Variants in GALNT13 observed in about 807,000 individuals in gnomAD.
GALNT13 encodes the protein UDP-GalNAc:polypeptide N-acetylgalactosaminyltransferase 13.
GALNT13 carries 28 observed loss-of-function variants against 64.2 expected under a neutral mutation model. The ratio of observed to expected loss-of-function variants is 0.44; its 90% CI spans 0.32 to 0.60. GALNT13 has a LOEUF of 0.60. Ranked by LOEUF, GALNT13 falls within the 20% of genes least tolerant of loss-of-function variation. The pLI, the probability that GALNT13 is intolerant of heterozygous loss-of-function variation, is 0.05. For synonymous variants in GALNT13, 214 were observed against 224.6 expected (o/e 0.95, Z 0.42); for missense variants, 577 against 669.8 (o/e 0.86, Z 1.53).
chr2:154,159,337 G>A (rs571896856), intron 4 of GALNT13, among the ~76,000 whole-genome samples: 2 of 152,062 alleles, frequency 1.3e-5, no homozygotes, highest in South Asian at 2.1e-4. Flanking sequence ...GTTTCACCAT[G>A]TTGGCCAGGC....
At chr2:153,131,429 T>C in the GALNT13 span, among the ~76,000 whole-genome samples, 23 of 152,020 alleles carry the variant, frequency 1.5e-4, no homozygotes, top group African/African-American at 5.5e-4. Flanking sequence ...CTCCACACTC[T>C]GAGAGTGAGT....
Position 154,075,076 on chromosome 2 carries a change from AG to A in GALNT13, c.143-65260del, listed in dbSNP as rs1700918338. Among the ~76,000 whole-genome samples, 4 of 152,004 alleles carry A rather than the reference AG, an allele frequency of 2.6e-5. No individual in the cohort carries two copies. In the South Asian group the frequency reaches 8.3e-4, roughly 31 times the overall value. On this transcript the variant is annotated intron_variant, in intron 3 of 12. Coordinates refer to ENST00000392825, the MANE Select transcript of GALNT13 (RefSeq NM_052917.4). ...ACAATCAGGCAAGAGAAAGAACTAA[AG>A]TGTAAACAAATAGGAAGAGAGGAAG...
At chr2:154,251,485 G>C (rs993409370) in intron 7 of GALNT13, among the ~76,000 whole-genome samples, 1 of 152,062 alleles carries the variant, frequency 6.6e-6, no homozygotes, top group African/African-American at 2.4e-5. Context: ...CAAATCATTT[G>C]CCCATACTAA....
chr2:153,596,751 TG>T, the GALNT13 span, among the ~76,000 whole-genome samples: 1 of 152,102 alleles, frequency 6.6e-6, no homozygotes, highest in African/African-American at 2.4e-5. Context: ...GTAATTAAAA[TG>T]ATTAACATAT....
the GALNT13 span, among the ~76,000 whole-genome samples, chr2:153,452,857 T>C: frequency 2.6e-5 from 4 of 152,246 alleles, no homozygotes; most frequent in East Asian, 3.9e-4. Flanking sequence ...AGGCATTACA[T>C]ACCTGACCTC....
chr2:153,082,888 G>A, the GALNT13 span, among the ~76,000 whole-genome samples: 1 of 150,388 alleles, frequency 6.6e-6, no homozygotes, highest in Non-Finnish European at 1.5e-5. Flanking sequence ...GAGTGCAGTG[G>A]CACAGTCTCG....
At chr2:153,628,556 G>T in the GALNT13 span, among the ~76,000 whole-genome samples, 16,616 of 151,828 alleles carry the variant, frequency 0.11, 1,541 homozygotes, top group East Asian at 0.36. Context: ...TTAGCATGAA[G>T]GGTTGTTGAA....
the GALNT13 span, among the ~76,000 whole-genome samples, chr2:153,577,466 T>C: frequency 1.3e-5 from 2 of 152,152 alleles, no homozygotes; most frequent in African/African-American, 2.4e-5. Context: ...ACAGAAGAGC[T>C]GTTTCCTTTA....
chr2:153,815,878 C>G, the GALNT13 span, among the ~76,000 whole-genome samples: 4 of 152,148 alleles, frequency 2.6e-5, no homozygotes, highest in Non-Finnish European at 5.9e-5. Flanking sequence ...CATTCTAATA[C>G]TCACCCAAGG....
chr2:153,825,838 T>C, the GALNT13 span, among the ~76,000 whole-genome samples: 1 of 152,190 alleles, frequency 6.6e-6, no homozygotes, highest in Non-Finnish European at 1.5e-5. Context: ...TAGCATTTTG[T>C]ATGAAGTTCA....
chr2:153,517,575 T>G, the GALNT13 span, among the ~76,000 whole-genome samples: 2 of 152,084 alleles, frequency 1.3e-5, no homozygotes, highest in African/African-American at 4.8e-5. Context: ...ATATTGATAG[T>G]ATTGAATTTT....
chr2:153,882,981 A>T (rs2105243102), intron 1 of GALNT13, among the ~76,000 whole-genome samples: 1 of 147,168 alleles, frequency 6.8e-6, no homozygotes, highest in East Asian at 2.0e-4. Flanking sequence ...AGTAACAACA[A>T]AATGACTTTG....
At chr2:154,153,762 G>T (rs1056756370) in intron 4 of GALNT13, among the ~76,000 whole-genome samples, 1 of 152,200 alleles carries the variant, frequency 6.6e-6, no homozygotes, top group Non-Finnish European at 1.5e-5. Context: ...CTCCTGGTGT[G>T]CCGTTTTTTA....
At chr2:153,499,836 G>C in the GALNT13 span, among the ~76,000 whole-genome samples, 1 of 152,212 alleles carries the variant, frequency 6.6e-6, no homozygotes, top group Non-Finnish European at 1.5e-5. Context: ...GAGCCTCTGG[G>C]GTTAGGGGGC....
the GALNT13 span, among the ~76,000 whole-genome samples, chr2:153,863,131 G>A: frequency 3.1e-4 from 47 of 152,078 alleles, no homozygotes; most frequent in Non-Finnish European, 5.1e-4. Context: ...ATTGAATAAT[G>A]TATTAGTTTG....
chr2:154,428,750 A>G (rs1361184359), intron 11 of GALNT13, among the ~76,000 whole-genome samples: 9 of 145,888 alleles, frequency 6.2e-5, no homozygotes. Flanking sequence ...TCATTATTTT[A>G]TCTGTTGTGA....
chr2:153,351,914 T>G, the GALNT13 span, among the ~76,000 whole-genome samples: 1 of 152,322 alleles, frequency 6.6e-6, no homozygotes, highest in African/African-American at 2.4e-5. Flanking sequence ...AAAGCTGTCA[T>G]AAATATCATG....
intron 3 of GALNT13, among the ~76,000 whole-genome samples, chr2:154,009,183 T>TTC (rs34583780): frequency 1.3e-5 from 2 of 150,858 alleles, no homozygotes; most frequent in African/African-American, 4.9e-5. Flanking sequence ...TTTTTTCTTT[T>TTC]CAATTTGTAA....
the GALNT13 span, among the ~76,000 whole-genome samples, chr2:153,407,568 C>A: frequency 1.3e-5 from 2 of 152,114 alleles, no homozygotes; most frequent in Admixed American, 1.3e-4. Flanking sequence ...CTGCTAGACC[C>A]AAATCATATA....
Sources: allele counts gnomAD v4.1 joint callset (sites outside exome capture counted in the v4.1 genomes callset), GRCh38; gene constraint gnomAD v4.1.1; transcripts MANE v1.5; gene names NCBI Gene and HGNC (gene_info 2026-07-23, HGNC 2026-07-21).